The following PDIA5 variants were observed in gnomAD, a reference collection of about 807,000 sequenced individuals.
PDIA5 encodes the protein protein disulfide isomerase family A member 5, also known as protein disulfide-isomerase A5.
Under a neutral mutation model 77.6 loss-of-function variants are expected in PDIA5, and 58 were observed. The observed-to-expected ratio is 0.75, with a 90% CI of 0.61 to 0.93. The LOEUF is 0.93. PDIA5 is among the 40% of genes least tolerant of loss of function. The pLI, the probability that PDIA5 is intolerant of heterozygous loss-of-function variation, is 0.00. For synonymous variants in PDIA5, 250 were observed against 252.1 expected (o/e 0.99, Z 0.08); for missense variants, 630 against 647.7 (o/e 0.97, Z 0.30).
chr3:123,103,279 A>T (rs578003117), intron 5 of PDIA5, among the ~76,000 whole-genome samples: 1 of 152,270 alleles, frequency 6.6e-6, no homozygotes, highest in Admixed American at 6.5e-5. Flanking sequence ...ATGGAAAAGC[A>T]TAAATGGAAA....
intron 1 of PDIA5, among the ~76,000 whole-genome samples, chr3:123,071,488 A>G (rs1479548419): frequency 6.6e-6 from 1 of 152,212 alleles, no homozygotes; most frequent in African/African-American, 2.4e-5. Flanking sequence ...GGACGATTAT[A>G]TATTTAATAG....
At chr3:123,151,890 T>C (rs562656734) in intron 14 of PDIA5, among the ~76,000 whole-genome samples, 32 of 138,822 alleles carry the variant, frequency 2.3e-4, no homozygotes, top group African/African-American at 8.9e-4. Context: ...CCTGCCTGCC[T>C]TCCTTCCTGC....
At chr3:123,135,745 C>CTTTTTTTTTTT (rs766560888) in intron 11 of PDIA5, among the ~76,000 whole-genome samples, 9 of 80,460 alleles carry the variant, frequency 1.1e-4, no homozygotes, top group Non-Finnish European at 2.0e-4. Context: ...GAGGTAACAA[C>CTTTTTTTTTTT]TTTTTTTTTT....
chr3:123,085,648 G>A (rs1450220305), intron 1 of PDIA5, among the ~76,000 whole-genome samples: 3 of 152,134 alleles, frequency 2.0e-5, no homozygotes, highest in Admixed American at 6.5e-5. Context: ...TGCACACACC[G>A]CTGCCTGGGC....
intron 3 of PDIA5, among the ~76,000 whole-genome samples, chr3:123,097,422 A>G (rs1651495204): frequency 6.6e-6 from 1 of 152,082 alleles, no homozygotes; most frequent in African/African-American, 2.4e-5. Context: ...TACTAACTGT[A>G]CTGTGTAATC....
intron 15 of PDIA5, among the ~76,000 whole-genome samples, chr3:123,159,794 C>T (rs969012073): frequency 6.6e-6 from 1 of 152,064 alleles, no homozygotes; most frequent in East Asian, 1.9e-4. Flanking sequence ...GTGAAGGTGG[C>T]ACCTGGTGGC....
At chr3:123,067,914 T>G (rs1576427904) in intron 1 of PDIA5, among the ~76,000 whole-genome samples, 1 of 152,138 alleles carries the variant, frequency 6.6e-6, no homozygotes, top group Non-Finnish European at 1.5e-5. Flanking sequence ...TCGGATGAGG[T>G]CTCAGTGGAG....
At chr3:123,135,745 CTTT>C (rs766560888) in intron 11 of PDIA5, among the ~76,000 whole-genome samples, 26 of 80,468 alleles carry the variant, frequency 3.2e-4, no homozygotes, top group Middle Eastern at 0.013. Flanking sequence ...GAGGTAACAA[CTTT>C]TTTTTTTTTT....
At chr3:123,125,704 G>A (rs1032921411) in intron 10 of PDIA5, among the ~76,000 whole-genome samples, 4 of 152,180 alleles carry the variant, frequency 2.6e-5, no homozygotes, top group East Asian at 1.9e-4. Flanking sequence ...TTCTAAAGGT[G>A]GAGAGTCTCC....
intron 3 of PDIA5, among the ~76,000 whole-genome samples, chr3:123,096,982 G>C (rs1934460444): frequency 6.6e-6 from 1 of 152,202 alleles, no homozygotes; most frequent in African/African-American, 2.4e-5. Context: ...TCAGGTGCTT[G>C]CTACTTTCTT....
chr3:123,152,539 A>G (rs1935937376), intron 14 of PDIA5, among the ~76,000 whole-genome samples: 1 of 152,230 alleles, frequency 6.6e-6, no homozygotes, highest in African/African-American at 2.4e-5. Context: ...ACCTATTTTT[A>G]TATATAAATA....
chr3:123,158,975 C>T (rs1432239988), intron 15 of PDIA5, among the ~76,000 whole-genome samples: 2 of 152,228 alleles, frequency 1.3e-5, no homozygotes, highest in African/African-American at 4.8e-5. Context: ...CGCGTGGATT[C>T]ACCTTTGCAG....
intron 1 of PDIA5, among the ~76,000 whole-genome samples, chr3:123,084,696 A>G (rs985087920): frequency 2.0e-5 from 3 of 152,090 alleles, no homozygotes; most frequent in Non-Finnish European, 4.4e-5. Context: ...CTGTTGTTGC[A>G]GTCTCCCAGC....
chr3:123,095,749 CA>C (rs61654925), intron 3 of PDIA5, among the ~76,000 whole-genome samples: 3,766 of 86,696 alleles, frequency 0.043, 134 homozygotes, highest in African/African-American at 0.12. Flanking sequence ...AACTCTGTCT[CA>C]AAAAAAAAAA....
chr3:123,098,832 C>T (rs1046386326), intron 3 of PDIA5, among the ~76,000 whole-genome samples: 2 of 152,194 alleles, frequency 1.3e-5, no homozygotes, highest in Non-Finnish European at 2.9e-5. Flanking sequence ...TCCCTCAATT[C>T]GAGCAAAGCA....
At chr3:123,073,350 G>A (rs1933775746) in intron 1 of PDIA5, among the ~76,000 whole-genome samples, 1 of 152,160 alleles carries the variant, frequency 6.6e-6, no homozygotes, top group Non-Finnish European at 1.5e-5. Flanking sequence ...CACAGTCAGA[G>A]TTCTCAGTGC....
chr3:123,097,497 C>T (rs2107927716), intron 3 of PDIA5, among the ~76,000 whole-genome samples: 1 of 152,302 alleles, frequency 6.6e-6, no homozygotes, highest in East Asian at 1.9e-4. Flanking sequence ...GGGAGGAGCC[C>T]TGTTGTAGGG....
intron 14 of PDIA5, among the ~76,000 whole-genome samples, chr3:123,154,624 C>T (rs970365034): frequency 6.6e-6 from 1 of 152,132 alleles, no homozygotes; most frequent in Admixed American, 6.5e-5. Flanking sequence ...TCTGAGAATC[C>T]CGTGCCTTCC....
intron 1 of PDIA5, among the ~76,000 whole-genome samples, chr3:123,070,479 C>G (rs943976814): frequency 2.6e-5 from 4 of 152,054 alleles, no homozygotes; most frequent in African/African-American, 9.7e-5. Flanking sequence ...CTTTGGGAAC[C>G]CTTAGCCTTC....
Sources: gnomAD v4.1 joint callset for allele counts (sites outside exome capture counted in the v4.1 genomes callset) on GRCh38, gnomAD v4.1.1 for gene constraint, MANE v1.5 for transcripts, NCBI Gene and HGNC (gene_info 2026-07-23, HGNC 2026-07-21) for gene names.